The following NXPH1 variants were observed in gnomAD, a reference collection of about 807,000 sequenced individuals.
The protein encoded by NXPH1 is neurexophilin-1.
In NXPH1, 5 loss-of-function variants were observed where a neutral mutation model predicts 23.7. The observed-to-expected ratio is 0.21, with a 90% CI of 0.11 to 0.44. NXPH1 has a LOEUF of 0.44. Ranked by LOEUF, NXPH1 falls within the 20% of genes least tolerant of loss-of-function variation. The probability of loss-of-function intolerance (pLI) is 0.99; values close to 1 mark genes in which losing one functional copy is unlikely to be tolerated. For synonymous variants in NXPH1, 144 were observed against 122.2 expected (o/e 1.18, Z -1.18); for missense variants, 324 against 321.6 (o/e 1.01, Z -0.06).
intron 2 of NXPH1, among the ~76,000 whole-genome samples, chr7:8,491,862 C>G (rs1433544345): frequency 1.3e-5 from 2 of 152,088 alleles, no homozygotes; most frequent in Non-Finnish European, 2.9e-5. Flanking sequence ...CTGACTTCTT[C>G]ATCTAAAGTG....
intron 2 of NXPH1, among the ~76,000 whole-genome samples, chr7:8,534,211 T>C (rs988184433): frequency 6.6e-6 from 1 of 152,100 alleles, no homozygotes; most frequent in African/African-American, 2.4e-5. Context: ...TCTGAGCAGA[T>C]GCTGGTGCCT....
chr7:8,603,284 G>T (rs1819404614), intron 2 of NXPH1, among the ~76,000 whole-genome samples: 2 of 152,200 alleles, frequency 1.3e-5, no homozygotes, highest in South Asian at 4.1e-4. Context: ...AACCTATTCA[G>T]TAGTATAAAG....
At chr7:8,516,680 C>T (rs1294552306) in intron 2 of NXPH1, among the ~76,000 whole-genome samples, 1 of 152,052 alleles carries the variant, frequency 6.6e-6, no homozygotes, top group African/African-American at 2.4e-5. Flanking sequence ...TATATACTTT[C>T]AGTTATTAAG....
Position 8,751,285 on chromosome 7 carries a change from A to C in NXPH1, c.332A>C (p.Lys111Thr). Residue 111 changes from lysine (K) to threonine (T), a missense_variant, in exon 3 of 3, where the codon AAA becomes ACA. Physicochemically the swap from Lys to Thr is moderately conservative, Grantham distance 78. Transcript: ENST00000405863. This position sits in a 1 kb window ranked among gnomAD's most constrained non-coding sequence, Gnocchi z 4.5. ...AGGGCCAAGAGAAGGCCCATTGTTAAAACGGGCAAGTTTAAGAAAATGTTT... is the reference window on the plus strand; with the variant it reads ...AGGGCCAAGAGAAGGCCCATTGTTACAACGGGCAAGTTTAAGAAAATGTTT... ...RPRAKRRPIV[K>T]TGKFKKMFGW... 1 of 1,613,950 alleles carries C rather than the reference A, an allele frequency of 6.2e-7. No individual in the cohort carries two copies.
intron 2 of NXPH1, among the ~76,000 whole-genome samples, chr7:8,559,527 T>C (rs1818408622): frequency 6.6e-6 from 1 of 151,698 alleles, no homozygotes; most frequent in Non-Finnish European, 1.5e-5. Flanking sequence ...TAAGACACAG[T>C]AATTAATTTA....
chr7:8,560,814 C>T (rs985406073), intron 2 of NXPH1, among the ~76,000 whole-genome samples: 3 of 151,652 alleles, frequency 2.0e-5, no homozygotes, highest in South Asian at 2.1e-4. Flanking sequence ...CATACTTAAA[C>T]AAAACCTCAA....
intron 2 of NXPH1, among the ~76,000 whole-genome samples, chr7:8,695,543 A>G (rs1315218193): frequency 6.6e-6 from 1 of 152,046 alleles, no homozygotes. Flanking sequence ...AGCCTTAACT[A>G]CATTGCTATT....
chr7:8,730,902 G>A (rs1300114494), intron 2 of NXPH1, among the ~76,000 whole-genome samples: 1 of 151,092 alleles, frequency 6.6e-6, no homozygotes, highest in Non-Finnish European at 1.5e-5. Flanking sequence ...TGCTAGATTG[G>A]GGATGTTCTC....
At chr7:8,607,221 A>G (rs1819513737) in intron 2 of NXPH1, among the ~76,000 whole-genome samples, 2 of 152,188 alleles carry the variant, frequency 1.3e-5, no homozygotes, top group Admixed American at 1.3e-4. Flanking sequence ...TCCATAATTA[A>G]TACAGTACTT....
chr7:8,597,352 C>T (rs1274385865), intron 2 of NXPH1, among the ~76,000 whole-genome samples: 1 of 151,864 alleles, frequency 6.6e-6, no homozygotes, highest in African/African-American at 2.4e-5. Context: ...CACTTCGGGT[C>T]CAGTGCTAGA....
At chr7:8,519,564 C>T (rs1388177675) in intron 2 of NXPH1, among the ~76,000 whole-genome samples, 1 of 152,156 alleles carries the variant, frequency 6.6e-6, no homozygotes, top group Non-Finnish European at 1.5e-5. Context: ...ATGGAATAAG[C>T]ATTTTCATTG....
intron 2 of NXPH1, among the ~76,000 whole-genome samples, chr7:8,549,365 C>G (rs182914500): frequency 6.6e-6 from 1 of 151,656 alleles, no homozygotes; most frequent in East Asian, 2.0e-4. Flanking sequence ...ACATCACAGA[C>G]AGATATTAAC....
At chr7:8,586,955 C>T (rs1215079775) in intron 2 of NXPH1, among the ~76,000 whole-genome samples, 1 of 151,988 alleles carries the variant, frequency 6.6e-6, no homozygotes, top group Non-Finnish European at 1.5e-5. Flanking sequence ...AGGCAATTCT[C>T]TTTGAATGCA....
In NXPH1 at chr7:8,444,859, C is replaced by T. The variant is rs193030092; in HGVS notation, c.54+9092C>T. ...TGAGAACAAAATTAAAAATTATGGC[C>T]TTCCAGGCATTAAAGTAATACTATC... On this transcript the variant is annotated intron_variant, in intron 2 of 2. Transcript: ENST00000405863. Among the ~76,000 whole-genome samples, 622 of 152,350 alleles carry T rather than the reference C, an allele frequency of 4.1e-3. 2 individuals carry two copies. The highest frequency in any genetic ancestry group is 6.0e-3 in the Non-Finnish European group (409 of 68,042).
At chr7:8,731,086 T>C (rs1185099594) in intron 2 of NXPH1, among the ~76,000 whole-genome samples, 1 of 151,424 alleles carries the variant, frequency 6.6e-6, no homozygotes, top group African/African-American at 2.4e-5. Context: ...TTCATTTCAT[T>C]CATTTCATCT....
At chr7:8,547,058 A>G (rs978448374) in intron 2 of NXPH1, among the ~76,000 whole-genome samples, 3 of 151,426 alleles carry the variant, frequency 2.0e-5, no homozygotes, top group South Asian at 2.1e-4. Flanking sequence ...ATGGTTAGCA[A>G]TAACTGAAGT....
intron 2 of NXPH1, among the ~76,000 whole-genome samples, chr7:8,634,836 A>T (rs555451849): frequency 6.6e-6 from 1 of 152,260 alleles, no homozygotes; most frequent in South Asian, 2.1e-4. Flanking sequence ...AATCTCTGAT[A>T]ATTTCCCCAA....
intron 2 of NXPH1, among the ~76,000 whole-genome samples, chr7:8,594,342 A>G (rs1393648547): frequency 1.3e-5 from 2 of 152,112 alleles, no homozygotes; most frequent in African/African-American, 4.8e-5. Context: ...TCAGACATGC[A>G]GAAGTATGTC....
chr7:8,657,712 C>A (rs1332487346), intron 2 of NXPH1, among the ~76,000 whole-genome samples: 3 of 152,182 alleles, frequency 2.0e-5, no homozygotes, highest in African/African-American at 4.8e-5. Context: ...TTGGCACCAA[C>A]AAAATCAATT....
Sources: gnomAD v4.1 joint callset for allele counts (sites outside exome capture counted in the v4.1 genomes callset) on GRCh38, gnomAD v4.1.1 for gene constraint, Gnocchi (gnomAD v3.1) non-coding constraint, MANE v1.5 for transcripts, NCBI Gene and HGNC (gene_info 2026-07-23, HGNC 2026-07-21) for gene names.